The following RBL1 variants were observed in gnomAD, a reference collection of about 807,000 sequenced individuals.
RBL1 encodes RB transcriptional corepressor like 1, also known as retinoblastoma-like protein 1.
A neutral mutation model predicts 123.0 loss-of-function variants in RBL1; 82 were observed. The ratio of observed to expected loss-of-function variants is 0.67; its 90% confidence interval spans 0.56 to 0.80. RBL1 has a LOEUF of 0.80. Among genes scored for constraint, RBL1 ranks in the 30% least tolerant of loss-of-function variants. The probability of loss-of-function intolerance (pLI) is 0.00; values close to 1 mark genes in which losing one functional copy is unlikely to be tolerated. For missense variants in RBL1, 1,171 were observed against 1,299.6 expected (o/e 0.90, Z 1.52); for synonymous variants, 405 against 441.3 (o/e 0.92, Z 1.03).
intron 19 of RBL1, among the ~76,000 whole-genome samples, chr20:37,015,214 C>T (rs888003155): frequency 1.3e-5 from 2 of 152,016 alleles, no homozygotes; most frequent in African/African-American, 4.8e-5. Context: ...AAAACGACAT[C>T]GTCTATTATC....
At chr20:37,019,895 G>A (rs2064312812) in intron 18 of RBL1, among the ~76,000 whole-genome samples, 2 of 152,060 alleles carry the variant, frequency 1.3e-5, no homozygotes, top group African/African-American at 4.8e-5. Flanking sequence ...AAGGTTTCAT[G>A]GAATTTTCAC....
rs1484968436 is a variant in RBL1, at chr20:37,095,911, G to A, written c.18C>T (p.Pro6=). The A allele has an allele frequency of 1.3e-6, 2 of 1,598,854 alleles. No individual in the cohort carries two copies. The highest frequency in any genetic ancestry group is 1.7e-6 in the Non-Finnish European group (2 of 1,174,062). Residue 6 remains proline, a synonymous_variant, in exon 1 of 22, where the codon CCC becomes CCT. Transcript: ENST00000373664. ...CGACCACCGCCGCCCCCTCAGCGTGGGGCTTGTCCTCGAACATCCCTTCAG... is the reference window on the plus strand; with the variant it reads ...CGACCACCGCCGCCCCCTCAGCGTGAGGCTTGTCCTCGAACATCCCTTCAG... MFEDK[P]HAEGAAVVAA...
intron 19 of RBL1, among the ~76,000 whole-genome samples, chr20:37,012,594 C>T (rs1484043509): frequency 6.9e-6 from 1 of 145,878 alleles, no homozygotes; most frequent in African/African-American, 2.8e-5. Flanking sequence ...TGCCCAGCCG[C>T]CCCGTCTGAG....
At position 36,998,052 on chromosome 20, in the gene RBL1, A is replaced by G. The variant is rs571154571; in HGVS notation, c.*707T>C. The G allele has an allele frequency of 2.6e-5, 4 of 152,268 alleles. No individual in the cohort carries two copies. The highest frequency in any genetic ancestry group is 3.4e-3 in the Middle Eastern group (1 of 294). 9.4% of individuals were successfully genotyped at this position (152,268 alleles called of 1,614,324 possible). Reference sequence around the variant, plus strand: ...AACCAACCCCTTCCTTCAATATTAAATTAAGAATACAAATATCTCAAAGCA... The same window carrying G: ...AACCAACCCCTTCCTTCAATATTAAGTTAAGAATACAAATATCTCAAAGCA... On this transcript the variant is annotated 3_prime_UTR_variant, in exon 22 of 22. Coordinates refer to ENST00000373664, the MANE Select transcript of RBL1 (RefSeq NM_002895.5).
At chr20:37,050,388 C>CA (rs1257487969) in intron 11 of RBL1, among the ~76,000 whole-genome samples, 1 of 149,172 alleles carries the variant, frequency 6.7e-6, no homozygotes, top group African/African-American at 2.5e-5. Flanking sequence ...ACTAAAAATA[C>CA]AAAAAAATTA....
chr20:37,062,010 C>A, intron 8 of RBL1, 74 bp downstream of exon 8: 3 of 1,376,034 alleles, frequency 2.2e-6, no homozygotes, highest in Admixed American at 2.4e-5. Flanking sequence ...TTGAAAGATG[C>A]TTCTGCTGTT....
rs374193614 is a variant in RBL1 at position 37,062,636 on chromosome 20, ACT to A, written c.897-368_897-367del. Among the ~76,000 whole-genome samples the A allele has an allele frequency of 5.0e-3, 478 of 96,228 alleles. 6 individuals carry two copies. The highest frequency in any genetic ancestry group is 0.02 in the African/African-American group (448 of 22,240). The allele number at this position is 96,228 out of a possible 152,430, so 63.1% of individuals were successfully genotyped here. On this transcript the variant is annotated intron_variant, in intron 7 of 21. Coordinates refer to ENST00000373664, the MANE Select transcript of RBL1 (RefSeq NM_002895.5). ...CACTCCAGCCTGGCAACAGAACAAGACTCTGTCTCAAAAAAAAAAAAAAAAAA... is the reference window on the plus strand; with the variant it reads ...CACTCCAGCCTGGCAACAGAACAAGACTGTCTCAAAAAAAAAAAAAAAAAA...
intron 2 of RBL1, chr20:37,082,041 C>T (rs900448265): frequency 1.5e-5 from 7 of 455,988 alleles, no homozygotes; most frequent in African/African-American, 1.4e-4. Context: ...TAGAAGACAG[C>T]ACAGAGCATG....
At chr20:37,077,630 C>A (rs1326490338) in intron 2 of RBL1, among the ~76,000 whole-genome samples, 1 of 152,094 alleles carries the variant, frequency 6.6e-6, no homozygotes, top group African/African-American at 2.4e-5. Context: ...TGAGCCAATT[C>A]CTTAAAATAA....
chr20:37,025,511 C>A (rs2064404921), intron 16 of RBL1, among the ~76,000 whole-genome samples: 1 of 151,674 alleles, frequency 6.6e-6, no homozygotes, highest in Non-Finnish European at 1.5e-5. Context: ...CAGAGCAAGA[C>A]CTTGTCTCCA....
intron 19 of RBL1, among the ~76,000 whole-genome samples, chr20:37,009,560 A>C (rs981186298): frequency 6.6e-6 from 1 of 150,968 alleles, no homozygotes. Context: ...GGGTCTCCCT[A>C]TGTTTTCTAG....
intron 21 of RBL1, among the ~76,000 whole-genome samples, chr20:37,000,790 C>T (rs12233281): frequency 1.4e-3 from 172 of 125,756 alleles, no homozygotes; most frequent in South Asian, 1.0e-2. Context: ...GCCCCCCGCC[C>T]GGCCAGCCGC....
At chr20:37,049,727 A>C in intron 11 of RBL1, 1 of 624,488 alleles carries the variant, frequency 1.6e-6, no homozygotes, top group Non-Finnish European at 2.8e-6. Flanking sequence ...AGTTAATAAA[A>C]GATATAAACT....
At chr20:37,067,382 G>C in intron 3 of RBL1, 85 bp from the exon 4 acceptor site, 1 of 1,013,484 alleles carries the variant, frequency 9.9e-7, no homozygotes, top group African/African-American at 1.7e-5. Context: ...ATATCAAATA[G>C]ATCAAATTAC....
At position 37,014,832 on chromosome 20, in the gene RBL1, G is replaced by A. The variant is rs200235970; in HGVS notation, c.2722+3447C>T. Among the ~76,000 whole-genome samples, 9 of 152,232 alleles carry A rather than the reference G, an allele frequency of 5.9e-5. No homozygotes were observed. In the East Asian group the frequency reaches 1.7e-3, roughly 29 times the overall value. Reference sequence around the variant, plus strand: ...AATCCCAGCACTTTGGGAGGCCAAGGCGGGTGGAATACCTGAGATCAGGAG... The same window carrying A: ...AATCCCAGCACTTTGGGAGGCCAAGACGGGTGGAATACCTGAGATCAGGAG... On this transcript the variant is annotated intron_variant, in intron 19 of 21. Coordinates refer to ENST00000373664, the MANE Select transcript of RBL1 (RefSeq NM_002895.5).
In RBL1 at chr20:37,059,088, T is replaced by C. The variant is rs942684160; in HGVS notation, c.1250+2015A>G. 2.6e-5 allele frequency among the ~76,000 whole-genome samples: 4 copies of C among 152,212 alleles called. No individual in the cohort carries two copies. In the South Asian group the frequency reaches 6.2e-4, roughly 24 times the overall value. ...TCTTTTGCATTCTATACTTCCTTTT[T>C]CTTATTGACATATTTGTATATTTGC... On this transcript the variant is annotated intron_variant, in intron 9 of 21. Coordinates refer to ENST00000373664, the MANE Select transcript of RBL1 (RefSeq NM_002895.5).
rs1190889145 is a variant in RBL1, at chr20:37,058,121, AAAAAAAAACAAAACAAAAC to A, written c.1251-1882_1251-1864del. 1.8e-4 allele frequency among the ~76,000 whole-genome samples: 26 copies of A among 146,734 alleles called. 2 individuals carry two copies. The highest frequency in any genetic ancestry group is 1.6e-3 in the Admixed American group (23 of 14,724). Reference sequence around the variant, plus strand: ...ACAAGGGCGAAACTCTGTCTAAAAAAAAAAAAAACAAAACAAAACAAAAAAAAAAAAGCCTATTCCAGGG... The same window carrying A: ...ACAAGGGCGAAACTCTGTCTAAAAAAAAAAAAAAAAAAGCCTATTCCAGGG... On this transcript the variant is annotated intron_variant, in intron 9 of 21. Transcript: ENST00000373664.
Sources: gnomAD v4.1 joint callset for allele counts (sites outside exome capture counted in the v4.1 genomes callset) on GRCh38, gnomAD v4.1.1 for gene constraint, MANE v1.5 for transcripts, NCBI Gene and HGNC (gene_info 2026-07-23, HGNC 2026-07-21) for gene names.